The following MDM4 variants were observed in gnomAD, a reference collection of about 807,000 sequenced individuals.
MDM4 encodes the protein protein Mdm4.
A neutral mutation model predicts 60.2 loss-of-function variants in MDM4; 2 were observed. The ratio of observed to expected loss-of-function variants is 0.03; its 90% CI spans 0.01 to 0.10. MDM4 has a LOEUF of 0.10. Ranked by LOEUF, MDM4 falls within the 10% of genes least tolerant of loss-of-function variation. The pLI is 1.00. For synonymous variants in MDM4, 202 were observed against 198.1 expected, an observed-to-expected ratio of 1.02 and a Z score of -0.17; for missense variants, 447 against 577.5, an observed-to-expected ratio of 0.77 and a Z score of 2.32.
intron 2 of MDM4, 64 bp downstream of exon 2, chr1:204,525,660 G>C (rs2102315802): frequency 8.9e-7 from 1 of 1,124,722 alleles, no homozygotes; most frequent in Non-Finnish European, 1.3e-6. Flanking sequence ...AAAAAGTTTA[G>C]CTGTCTCATG....
chr1:204,525,947 A>G (rs1047863307), intron 2 of MDM4, among the ~76,000 whole-genome samples: 1 of 151,614 alleles, frequency 6.6e-6, no homozygotes, highest in African/African-American at 2.4e-5. Context: ...TCTCTTTTTT[A>G]AAAAAAGTAG....
intron 1 of MDM4, among the ~76,000 whole-genome samples, chr1:204,516,850 A>G (rs1346355494): frequency 6.6e-6 from 1 of 152,182 alleles, no homozygotes; most frequent in African/African-American, 2.4e-5. Flanking sequence ...GGAGAGAGGG[A>G]ACCGGGTAGA....
chr1:204,538,892 C>T lies in MDM4; in HGVS notation c.511+584C>T, dbSNP rs185735318. Among the ~76,000 whole-genome samples the T allele has an allele frequency of 9.2e-3, 1,015 of 110,660 alleles. 7 individuals carry two copies. Among genetic ancestry groups the T allele is most frequent in the Middle Eastern group, 0.042 (5 of 118 alleles). The allele number at this position is 110,660 out of a possible 152,430, so 72.6% of individuals were successfully genotyped here. A position where few individuals can be genotyped will look rare whatever the true frequency, so the allele number is the denominator to read the frequency against. ...GGCTTTTTTTTTTTTTTTTTTGAGA[C>T]GGAGTCTCATTCTTGTTACCTGGGC... On this transcript the variant is annotated intron_variant, in intron 7 of 10. Transcript: ENST00000367182.
Position 204,544,701 on chromosome 1 carries a change from T to G in MDM4, c.822+17T>G. 1 of 1,602,342 alleles carries G rather than the reference T, an allele frequency of 6.2e-7. No homozygotes were observed. On this transcript the variant is annotated intron_variant, in intron 9 of 10. Transcript: ENST00000367182. ...GACAAAAAGGTATGTTGTGGAAAAATTCCATGTTGATTCTGTTTGTGTGCT... is the reference window on the plus strand; with the variant it reads ...GACAAAAAGGTATGTTGTGGAAAAAGTCCATGTTGATTCTGTTTGTGTGCT...
intron 10 of MDM4, among the ~76,000 whole-genome samples, chr1:204,547,229 A>G (rs537725669): frequency 1.3e-5 from 2 of 152,334 alleles, no homozygotes; most frequent in South Asian, 2.1e-4. Flanking sequence ...AGACAGACCC[A>G]TAGGCTATCT....
Position 204,556,852 on chromosome 1 carries a change from T to C in MDM4, c.*7170T>C, listed in dbSNP as rs1663570498. ...GAAATGTTTCAAAGGAGGGATGAAATGCTTCTTGGCTTCCTCAGCACTTGG... is the reference window on the plus strand; with the variant it reads ...GAAATGTTTCAAAGGAGGGATGAAACGCTTCTTGGCTTCCTCAGCACTTGG... On this transcript the variant is annotated 3_prime_UTR_variant, in exon 11 of 11. Coordinates refer to ENST00000367182, the MANE Select transcript of MDM4 (RefSeq NM_002393.5). The C allele has an allele frequency of 4.8e-6, 1 of 209,666 alleles. No individual in the cohort carries two copies. The highest frequency in any genetic ancestry group is 2.3e-5 in the African/African-American group (1 of 44,070). 13.0% of individuals were successfully genotyped at this position (209,666 alleles called of 1,614,324 possible).
At position 204,549,502 on chromosome 1, in the gene MDM4, G is replaced by C; in HGVS notation, c.1293G>C (p.Gln431His). The C allele has an allele frequency of 6.2e-7, 1 of 1,610,698 alleles. No individual in the cohort carries two copies. Among genetic ancestry groups the C allele is most frequent in the Non-Finnish European group, 8.5e-7 (1 of 1,179,100 alleles). The change falls in exon 11 of 11, where the codon CAG becomes CAC. Residue 431 changes from glutamine (Q) to histidine (H), a missense_variant. Gln to His is a conservative substitution (Grantham distance 24, BLOSUM62 0). Coordinates refer to ENST00000367182, the MANE Select transcript of MDM4 (RefSeq NM_002393.5). ...ATACAGAAAACATGGAGGATTGCCA[G>C]AATCTCTTGAAGCCATGTAGCTTAT... ...RTDTENMEDCQNLLKPCSLCE... is the reference protein window; with the variant it reads ...RTDTENMEDCHNLLKPCSLCE...
At chr1:204,520,309 T>C (rs1413898462) in intron 1 of MDM4, among the ~76,000 whole-genome samples, 6 of 147,110 alleles carry the variant, frequency 4.1e-5, no homozygotes, top group Non-Finnish European at 7.5e-5. Context: ...AATTTTGATA[T>C]GACAGTAGGA....
At chr1:204,525,752 T>C (rs1326931008) in intron 2 of MDM4, among the ~76,000 whole-genome samples, 156 bp downstream of exon 2, 3 of 152,040 alleles carry the variant, frequency 2.0e-5, no homozygotes, top group Non-Finnish European at 4.4e-5. Context: ...GGCAACATAG[T>C]GAGACCTGTA....
At chr1:204,543,510 G>A (rs1057001543) in intron 8 of MDM4, among the ~76,000 whole-genome samples, 3 of 152,130 alleles carry the variant, frequency 2.0e-5, no homozygotes, top group Non-Finnish European at 4.4e-5. Context: ...GCCTTCCTCA[G>A]GCACCTTAAG....
intron 1 of MDM4, among the ~76,000 whole-genome samples, chr1:204,523,849 T>A (rs892916044): frequency 1.3e-5 from 2 of 151,818 alleles, no homozygotes; most frequent in African/African-American, 4.8e-5. Flanking sequence ...GGGGAAGGGG[T>A]TCTTATCCCT....
At chr1:204,531,871 T>TGGAGGAAACTTTCCAAGTTTC (rs1660892485) in intron 4 of MDM4, among the ~76,000 whole-genome samples, 1 of 152,024 alleles carries the variant, frequency 6.6e-6, no homozygotes, top group East Asian at 1.9e-4. Context: ...ACTTTCCAAT[T>TGGAGGAAACTTTCCAAGTTTC]ACAATGTGAA....
chr1:204,525,431 A>G, intron 1 of MDM4, 53 bp from the exon 2 acceptor site: 1 of 1,514,714 alleles, frequency 6.6e-7, no homozygotes, highest in Non-Finnish European at 8.8e-7. Context: ...TGAATGCTAA[A>G]TAGGGAATTT....
chr1:204,523,152 C>T (rs1164179798), intron 1 of MDM4, among the ~76,000 whole-genome samples: 2 of 151,160 alleles, frequency 1.3e-5, no homozygotes, highest in Admixed American at 6.6e-5. Context: ...CATGGGCCAG[C>T]GTGCCCGGCT....
chr1:204,530,052 T>C (rs905471541), intron 3 of MDM4, among the ~76,000 whole-genome samples: 5 of 152,198 alleles, frequency 3.3e-5, no homozygotes, highest in Non-Finnish European at 4.4e-5. Context: ...AAGTTTTGTA[T>C]GTTATGTAGA....
intron 2 of MDM4, among the ~76,000 whole-genome samples, chr1:204,525,979 G>T (rs1016588655): frequency 2.0e-5 from 3 of 152,054 alleles, no homozygotes; most frequent in African/African-American, 7.2e-5. Context: ...GTTGTGCTGG[G>T]CGAGGTGGGT....
intron 1 of MDM4, among the ~76,000 whole-genome samples, chr1:204,516,752 G>T (rs532941538): frequency 1.3e-5 from 2 of 152,302 alleles, no homozygotes; most frequent in East Asian, 1.9e-4. Flanking sequence ...TGGCCAACAG[G>T]TGACAAACCT....
At chr1:204,517,421 T>G (rs1659097340) in intron 1 of MDM4, among the ~76,000 whole-genome samples, 1 of 151,990 alleles carries the variant, frequency 6.6e-6, no homozygotes, top group African/African-American at 2.4e-5. Context: ...TTGTTTTTTT[T>G]GAGTGGAGTT....
Position 204,542,772 on chromosome 1 carries a change from T to G in MDM4, c.512-12T>G. ...GTGCATAGTTATCATTCTTTTCATT[T>G]GACTTCTATAGATGAAGACTTAATT... is the stretch of plus-strand genomic sequence containing the variant. On this transcript the variant is annotated splice_polypyrimidine_tract_variant and intron_variant, in intron 7 of 10. Coordinates refer to ENST00000367182, the MANE Select transcript of MDM4 (RefSeq NM_002393.5). The G allele has an allele frequency of 4.4e-6, 7 of 1,596,560 alleles. No homozygotes were observed. The highest frequency in any genetic ancestry group is 6.0e-6 in the Non-Finnish European group (7 of 1,169,112).
Sources: gnomAD v4.1 joint callset for allele counts (sites outside exome capture counted in the v4.1 genomes callset) on GRCh38, gnomAD v4.1.1 for gene constraint, MANE v1.5 for transcripts, NCBI Gene and HGNC (gene_info 2026-07-23, HGNC 2026-07-21) for gene names.